The following PPHLN1 variants were observed in gnomAD, a reference collection of about 807,000 sequenced individuals.
PPHLN1 encodes the protein periphilin-1.
Under a neutral mutation model 51.3 loss-of-function variants are expected in PPHLN1, and 29 were observed. That is an observed-to-expected ratio of 0.57 (90% CI 0.42 to 0.77). PPHLN1 has a LOEUF of 0.77. PPHLN1 is among the 30% of genes least tolerant of loss of function. The probability of loss-of-function intolerance (pLI) is 0.00; values close to 1 mark genes in which losing one functional copy is unlikely to be tolerated. For missense variants in PPHLN1, 436 were observed against 438.4 expected (o/e 0.99, Z 0.05); for synonymous variants, 147 against 147.8 (o/e 0.99, Z 0.04).
At chr12:42,441,049 A>G (rs2082905633) in intron 9 of PPHLN1, among the ~76,000 whole-genome samples, 1 of 152,188 alleles carries the variant, frequency 6.6e-6, no homozygotes, top group Admixed American at 6.5e-5. Flanking sequence ...ACTGCCTTAC[A>G]CTGACAAATG....
chr12:42,336,436 T>C (rs2070681778), intron 2 of PPHLN1, among the ~76,000 whole-genome samples: 1 of 152,198 alleles, frequency 6.6e-6, no homozygotes, highest in Admixed American at 6.5e-5. Context: ...TATCCCTTGT[T>C]AGGATTCCTG....
intron 9 of PPHLN1, among the ~76,000 whole-genome samples, chr12:42,428,594 A>G (rs989515622): frequency 2.0e-5 from 3 of 152,140 alleles, no homozygotes; most frequent in Non-Finnish European, 4.4e-5. Context: ...AGAAAGACAC[A>G]GTGGACTTTG....
chr12:42,445,409 TA>T (rs1039974406), downstream of PPHLN1: 9 of 379,408 alleles, frequency 2.4e-5, no homozygotes, highest in Admixed American at 3.8e-4. Flanking sequence ...GACTAGAACC[TA>T]ATCAGTTATG....
intron 9 of PPHLN1, chr12:42,432,015 T>C: frequency 6.6e-7 from 1 of 1,508,884 alleles, no homozygotes; most frequent in South Asian, 1.1e-5. Context: ...GCTGTATGGA[T>C]TGCTGTCTGG....
chr12:42,419,269 TCTCA>T (rs2080761937), intron 9 of PPHLN1, among the ~76,000 whole-genome samples: 1 of 152,042 alleles, frequency 6.6e-6, no homozygotes, highest in Non-Finnish European at 1.5e-5. Context: ...TGAGATGGAG[TCTCA>T]CTCTGTTGCC....
chr12:42,407,754 G>A (rs527583078), intron 9 of PPHLN1, among the ~76,000 whole-genome samples: 12 of 152,204 alleles, frequency 7.9e-5, no homozygotes, highest in African/African-American at 2.6e-4. Flanking sequence ...AATACCTAAT[G>A]CAATGTAATG....
chr12:42,397,106 G>T (rs1042686084), intron 8 of PPHLN1, among the ~76,000 whole-genome samples: 1 of 150,834 alleles, frequency 6.6e-6, no homozygotes, highest in Non-Finnish European at 1.5e-5. Context: ...TAAAATTTAC[G>T]ACTTATGTTG....
chr12:42,401,135 C>T (rs568109666), intron 9 of PPHLN1, among the ~76,000 whole-genome samples: 2 of 152,234 alleles, frequency 1.3e-5, no homozygotes, highest in Non-Finnish European at 2.9e-5. Context: ...CAGTCACCGT[C>T]AACCTTTCTT....
chr12:42,378,312 A>C (rs1045041341), intron 5 of PPHLN1, among the ~76,000 whole-genome samples: 2 of 152,112 alleles, frequency 1.3e-5, no homozygotes, highest in African/African-American at 4.8e-5. Flanking sequence ...TAATCTTGCA[A>C]AAAAGTGAAT....
At position 42,441,817 on chromosome 12, in the gene PPHLN1, G is replaced by T; in HGVS notation, c.*308G>T. The T allele has an allele frequency of 9.2e-7, 1 of 1,081,922 alleles. No individual in the cohort carries two copies. Among genetic ancestry groups the T allele is most frequent in the Non-Finnish European group, 1.1e-6 (1 of 893,436 alleles). 67.0% of individuals were successfully genotyped at this position (1,081,922 alleles called of 1,614,324 possible). ...TTACAGGCGTGAGCCACCGCTCCCT[G>T]CCCAACACATATACCATCTGAAAAT... On this transcript the variant is annotated 3_prime_UTR_variant, in exon 10 of 10. Transcript: ENST00000358314.
intron 2 of PPHLN1, chr12:42,343,923 C>G (rs1424400294): frequency 4.5e-6 from 2 of 443,112 alleles, no homozygotes; most frequent in African/African-American, 2.0e-5. Context: ...AATAAATCAA[C>G]AAGTGCTAAA....
chr12:42,329,364 C>A (rs1241224355), intron 1 of PPHLN1, among the ~76,000 whole-genome samples: 1 of 152,138 alleles, frequency 6.6e-6, no homozygotes, highest in Non-Finnish European at 1.5e-5. Context: ...CTCGGCCTCC[C>A]AAAGTGCTGG....
chr12:42,348,505 AT>A (rs1291912441), intron 2 of PPHLN1, among the ~76,000 whole-genome samples: 4 of 152,032 alleles, frequency 2.6e-5, no homozygotes, highest in African/African-American at 9.7e-5. Flanking sequence ...TGTGATTTGA[AT>A]TTTACTTCTG....
Position 42,335,959 on chromosome 12 carries a change from T to C in PPHLN1, c.57T>C (p.Pro19=), listed in dbSNP as rs750037078. ...GAATTCCGAGAGAACGAGCACCTCCTCGAAGTCATCCCAGTGTAAGTTACT... is the reference window on the plus strand; with the variant it reads ...GAATTCCGAGAGAACGAGCACCTCCCCGAAGTCATCCCAGTGTAAGTTACT... ...YERIPRERAP[P]RSHPSDGYNR... The change falls in exon 2 of 10, where the codon CCT becomes CCC. Residue 19 remains proline, a synonymous_variant. Coordinates refer to ENST00000358314, the MANE Select transcript of PPHLN1 (RefSeq NM_201439.2). The C allele has an allele frequency of 3.2e-6, 5 of 1,583,838 alleles. No homozygotes were observed. Among genetic ancestry groups the C allele is most frequent in the Non-Finnish European group, 3.4e-6 (4 of 1,162,910 alleles).
intron 9 of PPHLN1, chr12:42,432,964 T>G: frequency 6.8e-7 from 1 of 1,460,046 alleles, no homozygotes; most frequent in Non-Finnish European, 9.6e-7. Context: ...AAATTCTGCA[T>G]GCTCCTACTG....
At chr12:42,334,177 T>A (rs576496109) in intron 1 of PPHLN1, among the ~76,000 whole-genome samples, 6 of 152,212 alleles carry the variant, frequency 3.9e-5, no homozygotes, top group Non-Finnish European at 8.8e-5. Context: ...CAAGCTTCCA[T>A]AGTTCTTGCA....
chr12:42,390,907 C>G (rs1318517382), intron 7 of PPHLN1, among the ~76,000 whole-genome samples: 2 of 147,162 alleles, frequency 1.4e-5, no homozygotes, highest in African/African-American at 5.1e-5. Flanking sequence ...CTCAAATGAT[C>G]CTTCCACCTT....
chr12:42,415,561 TC>T (rs1187173389), intron 9 of PPHLN1, among the ~76,000 whole-genome samples: 1 of 152,228 alleles, frequency 6.6e-6, no homozygotes, highest in Non-Finnish European at 1.5e-5. Context: ...ACCCCTCAGA[TC>T]CAACTCACTC....
chr12:42,384,823 C>G (rs1446967441), intron 5 of PPHLN1, 117 bp from the exon 6 acceptor site: 1 of 918,620 alleles, frequency 1.1e-6, no homozygotes, highest in Non-Finnish European at 1.7e-6. Flanking sequence ...GAGTTTAGGG[C>G]CACCAGAAAA....
Sources: gnomAD v4.1 joint callset for allele counts (sites outside exome capture counted in the v4.1 genomes callset) on GRCh38, gnomAD v4.1.1 for gene constraint, MANE v1.5 for transcripts, NCBI Gene and HGNC (gene_info 2026-07-23, HGNC 2026-07-21) for gene names.